The following KIAA1586 variants were observed in gnomAD, a reference collection of about 807,000 sequenced individuals.
The protein encoded by KIAA1586 is KIAA1586.
KIAA1586 carries 5 observed loss-of-function variants against 6.1 expected under a neutral mutation model. The ratio of observed to expected loss-of-function variants is 0.82; its 90% CI spans 0.43 to 1.73. KIAA1586 has a LOEUF of 1.73. Among genes scored for constraint, KIAA1586 ranks in the 40% most tolerant of loss-of-function variants. The pLI is 0.02. For missense variants in KIAA1586, 899 were observed against 878.2 expected, an observed-to-expected ratio of 1.02 and a Z score of -0.30; for synonymous variants, 280 against 301.7, an observed-to-expected ratio of 0.93 and a Z score of 0.75.
At chr6:57,052,391 G>A (rs922150770) in intron 3 of KIAA1586, among the ~76,000 whole-genome samples, 2 of 152,058 alleles carry the variant, frequency 1.3e-5, no homozygotes, top group Non-Finnish European at 2.9e-5. Context: ...TTTGGTATGG[G>A]GAGGTGCAAA....
chr6:57,066,890 C>G, the KIAA1586 span, among the ~76,000 whole-genome samples: 1 of 152,182 alleles, frequency 6.6e-6, no homozygotes, highest in African/African-American at 2.4e-5. Flanking sequence ...ATTACTACTT[C>G]TCCACCTACT....
Position 57,052,540 on chromosome 6 carries a change from T to C in KIAA1586, c.187-146T>C, listed in dbSNP as rs951235281. The C allele has an allele frequency of 1.3e-5, 7 of 530,338 alleles. No individual in the cohort carries two copies. The Admixed American group carries it at 2.0e-4, about 15-fold the overall frequency. The allele number at this position is 530,338 out of a possible 1,614,324, so 32.9% of individuals were successfully genotyped here. On this transcript the variant is annotated intron_variant, in intron 3 of 3. Coordinates refer to ENST00000370733, the MANE Select transcript of KIAA1586 (RefSeq NM_020931.4). ...GTTTTTCAAGAAATAGCAAGTCATA[T>C]TGATATTATAGATATAAACTGAAAA...
downstream of KIAA1586, among the ~76,000 whole-genome samples, chr6:57,057,636 C>T (rs1828517466): frequency 6.6e-6 from 1 of 152,022 alleles, no homozygotes; most frequent in African/African-American, 2.4e-5. Context: ...TGCCTGTAGT[C>T]CCAGCTACTC....
Position 57,053,108 on chromosome 6 carries a change from A to G in KIAA1586, c.609A>G (p.Leu203=), listed in dbSNP as rs1247863598. The change falls in exon 4 of 4, where the codon CTA becomes CTG. Residue 203 remains leucine, a synonymous_variant. Coordinates refer to ENST00000370733, the MANE Select transcript of KIAA1586 (RefSeq NM_020931.4). The part of the protein sequence containing the change: ...GSNKTTRQAS[L]RKKIREHDVS... ...ATAAAACTACTAGGCAAGCTTCTCT[A>G]CGAAAAAAAATTAGGGAACATGATG... 6 of 1,610,082 alleles carry G rather than the reference A, an allele frequency of 3.7e-6. No homozygotes were observed. The highest frequency in any genetic ancestry group is 1.1e-5 in the South Asian group (1 of 90,398).
Position 57,053,234 on chromosome 6 carries a change from T to C in KIAA1586, c.735T>C (p.Ala245=), listed in dbSNP as rs1216610883. 6.3e-7 allele frequency: 1 copy of C among 1,598,800 alleles called. No individual in the cohort carries two copies. Among genetic ancestry groups the C allele is most frequent in the Admixed American group, 1.8e-5 (1 of 56,010 alleles). The change falls in exon 4 of 4, where the codon GCT becomes GCC. Residue 245 remains alanine (A), a synonymous_variant. Transcript: ENST00000370733. The part of the protein sequence containing the change: ...VHKQNNKNID[A]TVKVFNTVYS... ...AACAAAATAATAAAAATATTGATGC[T>C]ACTGTAAAAGTTTTCAATACTGTTT... is the stretch of plus-strand genomic sequence containing the variant.
downstream of KIAA1586, among the ~76,000 whole-genome samples, chr6:57,056,740 G>A (rs1355075942): frequency 1.3e-5 from 2 of 151,744 alleles, no homozygotes; most frequent in Non-Finnish European, 2.9e-5. Flanking sequence ...GTTTTGCCAT[G>A]TTGCCCAGGT....
At chr6:57,056,872 T>G (rs1828507327), downstream of KIAA1586, among the ~76,000 whole-genome samples, 1 of 152,060 alleles carries the variant, frequency 6.6e-6, no homozygotes, top group South Asian at 2.1e-4. Context: ...TGTGAAATTA[T>G]TTCAGTTGAA....
intron 3 of KIAA1586, among the ~76,000 whole-genome samples, chr6:57,052,044 ACT>A (rs1420713782): frequency 6.6e-6 from 1 of 152,030 alleles, no homozygotes; most frequent in African/African-American, 2.4e-5. Context: ...AATGAGCGAA[ACT>A]CTAATATATG....
chr6:57,061,522 A>G, the KIAA1586 span, among the ~76,000 whole-genome samples: 1 of 152,100 alleles, frequency 6.6e-6, no homozygotes, highest in African/African-American at 2.4e-5. Context: ...TCTCCCAAGT[A>G]GCTGGGACTA....
chr6:57,059,127 A>T (rs991335103), downstream of KIAA1586, among the ~76,000 whole-genome samples: 4 of 152,200 alleles, frequency 2.6e-5, no homozygotes, highest in African/African-American at 9.7e-5. Context: ...AGGAATTGAG[A>T]TGTGCCTTAG....
downstream of KIAA1586, among the ~76,000 whole-genome samples, chr6:57,055,861 C>G (rs1436888317): frequency 6.6e-6 from 1 of 152,080 alleles, no homozygotes; most frequent in Non-Finnish European, 1.5e-5. Context: ...AAACAAGCTG[C>G]TATTTAAGAA....
downstream of KIAA1586, among the ~76,000 whole-genome samples, chr6:57,056,266 G>C (rs1350556924): frequency 4.0e-5 from 6 of 151,878 alleles, no homozygotes; most frequent in Non-Finnish European, 7.4e-5. Context: ...GAGTACAGTG[G>C]TGCAATCTCG....
chr6:57,046,903 A>G, intron 1 of KIAA1586, 127 bp downstream of exon 1: 1 of 1,311,898 alleles, frequency 7.6e-7, no homozygotes, highest in East Asian at 2.6e-5. Context: ...TCTTGGGCCG[A>G]GCCCAGCTCT....
rs1237523571 is a variant in KIAA1586, at chr6:57,054,464, A to C, written c.1965A>C (p.Leu655Phe). The C allele has an allele frequency of 6.2e-7, 1 of 1,602,234 alleles. No homozygotes were observed. Among genetic ancestry groups the C allele is most frequent in the Non-Finnish European group, 8.5e-7 (1 of 1,175,530 alleles). ...CATGGATAGCTGGTGAAAAAACATT[A>C]TTTCATTTGTGTAAAATTTTAAAAT... ...TSPWIAGEKT[L>F]FHLCKILKYE... The change falls in exon 4 of 4, where the codon TTA becomes TTC. Residue 655 changes from leucine to phenylalanine, a missense_variant. Transcript: ENST00000370733.
At chr6:57,050,615 C>G (rs1391439590) in intron 2 of KIAA1586, among the ~76,000 whole-genome samples, 159 bp from the exon 3 acceptor site, 2 of 152,054 alleles carry the variant, frequency 1.3e-5, no homozygotes, top group African/African-American at 4.8e-5. Flanking sequence ...TGCTCCCAGC[C>G]CCTTTGCCCG....
chr6:57,056,545 T>G (rs567140746), downstream of KIAA1586, among the ~76,000 whole-genome samples: 1 of 151,340 alleles, frequency 6.6e-6, no homozygotes, highest in South Asian at 2.1e-4. Context: ...AATTAGGGTT[T>G]TTTTTTTTTT....
the KIAA1586 span, among the ~76,000 whole-genome samples, chr6:57,064,784 C>G: frequency 6.6e-6 from 1 of 152,072 alleles, no homozygotes; most frequent in African/African-American, 2.4e-5. Context: ...TGTGTATATC[C>G]CTGTTCTCTC....
downstream of KIAA1586, among the ~76,000 whole-genome samples, chr6:57,056,873 T>A (rs543151513): frequency 6.6e-6 from 1 of 152,166 alleles, no homozygotes; most frequent in South Asian, 2.1e-4. Flanking sequence ...GTGAAATTAT[T>A]TCAGTTGAAG....
chr6:57,046,827 G>A (rs1828208282), intron 1 of KIAA1586, 51 bp downstream of exon 1: 1 of 1,598,948 alleles, frequency 6.3e-7, no homozygotes, highest in African/African-American at 1.4e-5. Context: ...ACCGCGAAGG[G>A]TTTGTGTTTT....
Sources: allele counts gnomAD v4.1 joint callset (sites outside exome capture counted in the v4.1 genomes callset), GRCh38; gene constraint gnomAD v4.1.1; transcripts MANE v1.5; gene names NCBI Gene and HGNC (gene_info 2026-07-23, HGNC 2026-07-21).